The following CAPN9 variants were observed in gnomAD, a reference collection of about 807,000 sequenced individuals.
The protein encoded by CAPN9 is calpain-9.
A neutral mutation model predicts 92.8 loss-of-function variants in CAPN9; 81 were observed. The ratio of observed to expected loss-of-function variants is 0.87; its 90% CI spans 0.73 to 1.05. CAPN9 has a LOEUF of 1.05. CAPN9 is among the 50% of genes least tolerant of loss of function. The pLI, the probability that CAPN9 is intolerant of heterozygous loss-of-function variation, is 0.00. For synonymous variants in CAPN9, 304 were observed against 328.0 expected (o/e 0.93, Z 0.79); for missense variants, 848 against 866.2 (o/e 0.98, Z 0.26).
intron 6 of CAPN9, 35 bp downstream of exon 6, chr1:230,769,298 G>A (rs754008393): frequency 1.4e-6 from 2 of 1,431,602 alleles, no homozygotes; most frequent in South Asian, 1.2e-5. Flanking sequence ...AGGCTATGGG[G>A]AGACATGTGA....
intron 11 of CAPN9, among the ~76,000 whole-genome samples, chr1:230,781,426 G>T (rs566772539): frequency 2.6e-4 from 39 of 152,290 alleles, no homozygotes; most frequent in African/African-American, 8.4e-4. Context: ...TTTCAAGAAT[G>T]ACATGTTCTT....
chr1:230,795,642 CTGT>C (rs997804490), intron 18 of CAPN9: 1 of 227,514 alleles, frequency 4.4e-6, no homozygotes, highest in African/African-American at 2.3e-5. Flanking sequence ...CTTCCCCGCC[CTGT>C]AAGCCCTAGA....
At position 230,780,210 on chromosome 1, in the gene CAPN9, G is replaced by T. The variant is rs1667114861; in HGVS notation, c.1146G>T (p.Leu382Phe). The change falls in exon 10 of 20, where the codon TTG (leucine) becomes TTT (phenylalanine). Residue 382 changes from leucine to phenylalanine, a missense_variant. By Grantham distance (22) the Leu-to-Phe change is conservative (BLOSUM62 0). Coordinates refer to ENST00000271971, the MANE Select transcript of CAPN9 (RefSeq NM_006615.3). ...TTTGGACCAATCCACAAATAAAATT[G>T]TCTCTGACTGAGAAAGATGAGGGGC... ...DTFWTNPQIK[L>F]SLTEKDEGQE... 1.2e-6 allele frequency: 2 copies of T among 1,613,858 alleles called. No homozygotes were observed. Among genetic ancestry groups the T allele is most frequent in the Non-Finnish European group, 1.7e-6 (2 of 1,179,920 alleles).
chr1:230,762,485 T>A (rs2282318), intron 3 of CAPN9, among the ~76,000 whole-genome samples, 168 bp from the exon 4 acceptor site: 41,877 of 152,128 alleles, frequency 0.28, 6,167 homozygotes, highest in Non-Finnish European at 0.34. Context: ...TGTAACTTGG[T>A]GGACAAAGCC....
At chr1:230,788,764 C>G (rs566768424) in intron 13 of CAPN9, among the ~76,000 whole-genome samples, 1 of 152,186 alleles carries the variant, frequency 6.6e-6, no homozygotes, top group African/African-American at 2.4e-5. Flanking sequence ...GCAGTGGTGA[C>G]CTCCCTGCTC....
At position 230,792,852 on chromosome 1, in the gene CAPN9, C is replaced by A. The variant is rs865783415; in HGVS notation, c.1794C>A (p.Asn598Lys). 2.5e-6 allele frequency: 4 copies of A among 1,613,732 alleles called. No individual in the cohort carries two copies. The Middle Eastern group carries it at 4.9e-4, about 200-fold the overall frequency. Reference protein sequence around the residue: ...VFWDKLKQWINLFLRFDADKS... With the variant: ...VFWDKLKQWIKLFLRFDADKS... ...GGCTTCTGCTCTCCACCCTTTAGAA[C>A]CTTTTCCTTCGGTTTGATGCTGACA... The change falls in exon 17 of 20, where the codon AAC (asparagine) becomes AAA (lysine). Residue 598 changes from asparagine to lysine, a missense_variant and splice_region_variant. Transcript: ENST00000271971.
At chr1:230,792,733 G>T in intron 16 of CAPN9, 117 bp from the exon 17 acceptor site, 1 of 873,648 alleles carries the variant, frequency 1.1e-6, no homozygotes, top group South Asian at 1.5e-5. Flanking sequence ...CAGTCCAACT[G>T]TGGCCTCTGC....
chr1:230,757,617 C>T (rs1169665335), intron 2 of CAPN9, among the ~76,000 whole-genome samples: 1 of 151,434 alleles, frequency 6.6e-6, no homozygotes, highest in African/African-American at 2.4e-5. Context: ...GTAGAGTGCT[C>T]ACACCTGTAA....
In CAPN9 at chr1:230,762,743, C is replaced by G. The variant is rs572206186; in HGVS notation, c.493C>G (p.His165Asp). Residue 165 changes from histidine to aspartate, a missense_variant, in exon 4 of 20, where the codon CAC (histidine) becomes GAC (aspartate). Coordinates refer to ENST00000271971, the MANE Select transcript of CAPN9 (RefSeq NM_006615.3). The stretch of plus-strand genomic sequence containing the variant: ...CTTGGTTTTCCTCCACTCTGCCGAC[C>G]ACAACGAGTTCTGGAGCGCCTTGCT... The part of the protein sequence containing the change: ...DRLVFLHSAD[H>D]NEFWSALLEK... The G allele has an allele frequency of 5.6e-6, 9 of 1,614,140 alleles. No homozygotes were observed. Among genetic ancestry groups the G allele is most frequent in the Non-Finnish European group, 6.8e-6 (8 of 1,180,016 alleles).
At chr1:230,787,963 C>G (rs1667723614) in intron 13 of CAPN9, among the ~76,000 whole-genome samples, 1 of 152,184 alleles carries the variant, frequency 6.6e-6, no homozygotes, top group African/African-American at 2.4e-5. Flanking sequence ...TCAAGAGATC[C>G]TATCACCTCA....
At chr1:230,775,865 C>T (rs539754528) in intron 8 of CAPN9, among the ~76,000 whole-genome samples, 2 of 149,378 alleles carry the variant, frequency 1.3e-5, no homozygotes, top group South Asian at 4.2e-4. Context: ...TGCAGTGAGC[C>T]GAGATTGCAT....
chr1:230,778,439 T>C (rs73104701), intron 8 of CAPN9, among the ~76,000 whole-genome samples: 5,887 of 152,252 alleles, frequency 0.039, 378 homozygotes, highest in African/African-American at 0.13. Context: ...CTAAAAGCTC[T>C]CCATCTTCTC....
At chr1:230,756,612 AT>A (rs779311345) in intron 2 of CAPN9, among the ~76,000 whole-genome samples, 2 of 151,976 alleles carry the variant, frequency 1.3e-5, no homozygotes, top group African/African-American at 4.8e-5. Flanking sequence ...TTCTAAGTGG[AT>A]TTTTTTTCAA....
At chr1:230,763,211 C>T (rs987900649) in intron 4 of CAPN9, among the ~76,000 whole-genome samples, 4 of 152,070 alleles carry the variant, frequency 2.6e-5, no homozygotes, top group Non-Finnish European at 4.4e-5. Context: ...TTTAAAAAGT[C>T]GTATATGACA....
intron 13 of CAPN9, 52 bp downstream of exon 13, chr1:230,787,654 C>A: frequency 6.7e-7 from 1 of 1,496,422 alleles, no homozygotes. Context: ...CCTGGACCTG[C>A]TTCCTAGCAA....
At chr1:230,758,328 G>A (rs28359604) in intron 2 of CAPN9, among the ~76,000 whole-genome samples, 11,573 of 152,144 alleles carry the variant, frequency 0.076, 527 homozygotes, top group Non-Finnish European at 0.11. Context: ...CATCTTCTGC[G>A]TGGCACAAGG....
chr1:230,785,954 A>G, intron 11 of CAPN9, 27 bp from the exon 12 acceptor site: 1 of 1,610,266 alleles, frequency 6.2e-7, no homozygotes, highest in Non-Finnish European at 8.5e-7. Flanking sequence ...TCCACAATTG[A>G]GGCAGTGTGT....
chr1:230,768,157 C>T (rs916750890), intron 5 of CAPN9, among the ~76,000 whole-genome samples: 1 of 151,806 alleles, frequency 6.6e-6, no homozygotes, highest in Non-Finnish European at 1.5e-5. Context: ...TCCCTTGAGC[C>T]CAGGAGTTTG....
chr1:230,792,809 AG>A (rs776092014), intron 16 of CAPN9, 40 bp from the exon 17 acceptor site: 2 of 1,552,562 alleles, frequency 1.3e-6, no homozygotes, highest in East Asian at 4.5e-5. Context: ...GATGCCTTTC[AG>A]GCACGCTCCT....
Sources: allele counts gnomAD v4.1 joint callset (sites outside exome capture counted in the v4.1 genomes callset), GRCh38; gene constraint gnomAD v4.1.1; transcripts MANE v1.5; gene names NCBI Gene and HGNC (gene_info 2026-07-23, HGNC 2026-07-21).